Variants in TNN observed in about 807,000 individuals in gnomAD.
The protein encoded by TNN is tenascin N, also known as tenascin-N.
In TNN, 122 loss-of-function variants were observed where a neutral mutation model predicts 134.4. The ratio of observed to expected loss-of-function variants is 0.91; its 90% CI spans 0.78 to 1.06. The LOEUF (loss-of-function observed/expected upper bound fraction) is 1.06, where lower values mean the gene tolerates loss of function less well. TNN is among the 50% of genes least tolerant of loss of function. The pLI is 0.00. For synonymous variants in TNN, 710 were observed against 670.3 expected (o/e 1.06, Z -0.91); for missense variants, 1,739 against 1,699.4 (o/e 1.02, Z -0.41).
intron 7 of TNN, among the ~76,000 whole-genome samples, chr1:175,095,961 G>A (rs924653710): frequency 6.6e-6 from 1 of 152,254 alleles, no homozygotes; most frequent in Non-Finnish European, 1.5e-5. Context: ...AGCCTCTGGA[G>A]GGTGGCATTG....
In TNN at chr1:175,079,311, CTG is replaced by C. The variant is rs1161286580; in HGVS notation, c.410-20_410-19del. ...ACGCACAACCCTTCAACCCAACCTA[CTG>C]TTTCTCCTCTCCCTCCCAGATCTAA... On this transcript the variant is annotated intron_variant, in intron 2 of 18. Coordinates refer to ENST00000239462, the MANE Select transcript of TNN (RefSeq NM_022093.2). The C allele has an allele frequency of 6.4e-7, 1 of 1,568,490 alleles. No homozygotes were observed. Among genetic ancestry groups the C allele is most frequent in the Admixed American group, 1.8e-5 (1 of 54,094 alleles).
At chr1:175,090,759 C>A (rs1260847970) in intron 6 of TNN, among the ~76,000 whole-genome samples, 1 of 152,216 alleles carries the variant, frequency 6.6e-6, no homozygotes, top group Non-Finnish European at 1.5e-5. Flanking sequence ...AATTAGATCT[C>A]TTTGAAGTGA....
At chr1:175,079,259 G>T (rs1053022387) in intron 2 of TNN, 74 bp from the exon 3 acceptor site, 3 of 1,444,516 alleles carry the variant, frequency 2.1e-6, no homozygotes, top group Non-Finnish European at 1.8e-6. Context: ...GGTCTTGCAT[G>T]GCTGATCTCA....
chr1:175,131,879 C>A (rs1267321091), intron 15 of TNN, among the ~76,000 whole-genome samples: 3 of 149,194 alleles, frequency 2.0e-5, no homozygotes, highest in African/African-American at 7.4e-5. Context: ...GCACCAGAAT[C>A]ATTTTTGGAA....
chr1:175,074,421 A>T lies in TNN; in HGVS notation c.-35-2963A>T, dbSNP rs80091344. On this transcript the variant is annotated intron_variant, in intron 1 of 18. Transcript: ENST00000239462. ...GATCACTGGAGCCCAGGAGGTGGACATTGCAGTGAGCCGTGATTGTGCCAA... is the reference window on the plus strand; with the variant it reads ...GATCACTGGAGCCCAGGAGGTGGACTTTGCAGTGAGCCGTGATTGTGCCAA... Among the ~76,000 whole-genome samples the T allele has an allele frequency of 1.4e-4, 20 of 146,896 alleles. No homozygotes were observed. In the East Asian group the frequency reaches 4.3e-3, roughly 32 times the overall value.
chr1:175,121,169 A>T (rs570178714), intron 11 of TNN, among the ~76,000 whole-genome samples: 1 of 152,376 alleles, frequency 6.6e-6, no homozygotes, highest in East Asian at 1.9e-4. Flanking sequence ...ACATGTGACT[A>T]ATGGCTACGG....
In TNN at chr1:175,117,101, G is replaced by T; in HGVS notation, c.2282G>T (p.Ser761Ile). ...REVPVGKEQSSTVLTGLRPGV... is the reference protein window; with the variant it reads ...REVPVGKEQSITVLTGLRPGV... ...GTTCCGGTGGGGAAGGAGCAGAGTAGCACTGTCCTGACGGGCCTGAGGCCG... is the reference window on the plus strand; with the variant it reads ...GTTCCGGTGGGGAAGGAGCAGAGTATCACTGTCCTGACGGGCCTGAGGCCG... Residue 761 changes from serine (S) to isoleucine (I), a missense_variant, in exon 10 of 19, where the codon AGC becomes ATC. Coordinates refer to ENST00000239462, the MANE Select transcript of TNN (RefSeq NM_022093.2). The T allele has an allele frequency of 6.2e-7, 1 of 1,614,282 alleles. No individual in the cohort carries two copies. Among genetic ancestry groups the T allele is most frequent in the South Asian group, 1.1e-5 (1 of 91,088 alleles).
chr1:175,068,055 A>C (rs567940387), intron 1 of TNN, 120 bp downstream of exon 1: 21 of 417,600 alleles, frequency 5.0e-5, no homozygotes, highest in African/African-American at 2.6e-4. Flanking sequence ...CGGGCAGTGT[A>C]ATTAGTCTCC....
At chr1:175,144,242 T>C in intron 17 of TNN, 145 bp from the exon 18 acceptor site, 1 of 732,178 alleles carries the variant, frequency 1.4e-6, no homozygotes, top group Non-Finnish European at 2.3e-6. Context: ...ATTTGGGCTG[T>C]TTTGAGAGAG....
chr1:175,112,809 A>G (rs1198169715), intron 9 of TNN, among the ~76,000 whole-genome samples: 1 of 150,926 alleles, frequency 6.6e-6, no homozygotes, highest in East Asian at 1.9e-4. Flanking sequence ...TTTAGTAGAG[A>G]CAGGGTTTCA....
chr1:175,117,339 G>T (rs552154988), intron 10 of TNN, 134 bp downstream of exon 10: 100 of 1,422,026 alleles, frequency 7.0e-5, no homozygotes, highest in Non-Finnish European at 9.3e-5. Context: ...CTTCATAACA[G>T]ATTGCACACA....
At chr1:175,122,146 T>A (rs1675393465) in intron 11 of TNN, among the ~76,000 whole-genome samples, 1 of 151,914 alleles carries the variant, frequency 6.6e-6, no homozygotes, top group African/African-American at 2.4e-5. Flanking sequence ...ATCCCAGAAC[T>A]TTTGGAGGCT....
At chr1:175,070,516 C>A (rs1413902952) in intron 1 of TNN, among the ~76,000 whole-genome samples, 1 of 152,106 alleles carries the variant, frequency 6.6e-6, no homozygotes, top group Non-Finnish European at 1.5e-5. Flanking sequence ...CTGGGTATCC[C>A]ACAGAACTAG....
rs1044592126 is a variant in TNN at position 175,104,799 on chromosome 1, G to T, written c.2119+6204G>T. Among the ~76,000 whole-genome samples the T allele has an allele frequency of 1.4e-5, 2 of 145,972 alleles. 1 individual carries two copies. The highest frequency in any genetic ancestry group is 4.9e-5 in the African/African-American group (2 of 40,536). On this transcript the variant is annotated intron_variant, in intron 9 of 18. Transcript: ENST00000239462. ...ATCAATTGACCCTCGAGTGATTCGG[G>T]TGACAGGGGAGTATATTTTCTTAAG...
intron 17 of TNN, among the ~76,000 whole-genome samples, chr1:175,137,395 T>G (rs1205647670): frequency 3.1e-3 from 61 of 19,600 alleles, no homozygotes; most frequent in Middle Eastern, 0.021. Context: ...TGTGTGTGAT[T>G]ATTTGAGCTT....
chr1:175,100,081 T>C (rs1203233728), intron 9 of TNN, among the ~76,000 whole-genome samples: 1 of 152,238 alleles, frequency 6.6e-6, no homozygotes, highest in Non-Finnish European at 1.5e-5. Context: ...AGCCTGTCTT[T>C]GCTCTGTGTC....
rs966782660 is a variant in TNN at position 175,102,148 on chromosome 1, A to T, written c.2119+3553A>T. Among the ~76,000 whole-genome samples, 8 of 145,700 alleles carry T rather than the reference A, an allele frequency of 5.5e-5. 2 individuals are homozygous for T. The highest frequency in any genetic ancestry group is 4.6e-5 in the Non-Finnish European group (3 of 65,630). ...TGCACTCACAAACCTTGAGCTAGAC[A>T]CAGGGTGCTGATTGGTGTGTTTACA... On this transcript the variant is annotated intron_variant, in intron 9 of 18. Transcript: ENST00000239462.
intron 12 of TNN, 103 bp downstream of exon 12, chr1:175,123,766 C>T (rs1220471592): frequency 6.5e-7 from 1 of 1,533,440 alleles, no homozygotes; most frequent in African/African-American, 1.4e-5. Context: ...GTTGCTTTAC[C>T]CGAGGACATT....
intron 9 of TNN, among the ~76,000 whole-genome samples, chr1:175,102,484 A>G (rs1231427700): frequency 1.4e-5 from 2 of 145,780 alleles, no homozygotes; most frequent in East Asian, 2.3e-4. Flanking sequence ...AATCGAGCGC[A>G]GTGCCGGTGG....
Sources: gnomAD v4.1 joint callset for allele counts (sites outside exome capture counted in the v4.1 genomes callset) on GRCh38, gnomAD v4.1.1 for gene constraint, MANE v1.5 for transcripts, NCBI Gene and HGNC (gene_info 2026-07-23, HGNC 2026-07-21) for gene names.